BTBD10: variants seen among roughly 807,000 people sequenced by gnomAD.
BTBD10 encodes the protein BTB domain containing 10.
A neutral mutation model predicts 53.2 loss-of-function variants in BTBD10; 21 were observed. The ratio of observed to expected loss-of-function variants is 0.39; its 90% CI spans 0.28 to 0.57. The LOEUF (loss-of-function observed/expected upper bound fraction) is 0.57, where lower values mean the gene tolerates loss of function less well. Among genes scored for constraint, BTBD10 ranks in the 20% least tolerant of loss-of-function variants. The pLI, the probability that BTBD10 is intolerant of heterozygous loss-of-function variation, is 0.53. For synonymous variants in BTBD10, 149 were observed against 192.7 expected (o/e 0.77, Z 1.88); for missense variants, 360 against 594.7 (o/e 0.61, Z 4.10).
At chr11:13,461,351 G>T (rs1336650860) in intron 1 of BTBD10, among the ~76,000 whole-genome samples, 1 of 152,136 alleles carries the variant, frequency 6.6e-6, no homozygotes, top group East Asian at 1.9e-4. Flanking sequence ...TGCTGAAGAT[G>T]GGGTCCATAT....
chr11:13,413,275 T>C (rs770900542), intron 6 of BTBD10, among the ~76,000 whole-genome samples: 7 of 151,948 alleles, frequency 4.6e-5, no homozygotes, highest in Non-Finnish European at 1.0e-4. Flanking sequence ...ATAAATAATA[T>C]AGAAAACTGT....
intron 2 of BTBD10, among the ~76,000 whole-genome samples, chr11:13,426,535 G>C (rs1950342175): frequency 6.6e-6 from 1 of 151,998 alleles, no homozygotes; most frequent in Non-Finnish European, 1.5e-5. Flanking sequence ...ATAATATGGG[G>C]TTTATAACAT....
At chr11:13,456,814 T>C (rs184722412) in intron 1 of BTBD10, among the ~76,000 whole-genome samples, 1 of 152,230 alleles carries the variant, frequency 6.6e-6, no homozygotes, top group East Asian at 1.9e-4. Context: ...ATATACTCTG[T>C]TGGTGAAGCT....
intron 2 of BTBD10, among the ~76,000 whole-genome samples, chr11:13,431,964 A>T (rs1459710087): frequency 6.6e-6 from 1 of 152,068 alleles, no homozygotes; most frequent in African/African-American, 2.4e-5. Context: ...TTATAACAAA[A>T]TCCAAGCCAT....
At chr11:13,454,481 C>G (rs948666857) in intron 1 of BTBD10, among the ~76,000 whole-genome samples, 21 of 152,260 alleles carry the variant, frequency 1.4e-4, no homozygotes, top group African/African-American at 3.6e-4. Context: ...ACAGTTAAAA[C>G]AAGACAAGCT....
At position 13,393,418 on chromosome 11, in the gene BTBD10, C is replaced by A. The variant is rs115989962; in HGVS notation, c.1118-4277G>T. On this transcript the variant is annotated intron_variant, in intron 8 of 8. Transcript: ENST00000278174. Reference sequence around the variant, plus strand: ...TTTAAGGGACTTGGGATTGGTATGGCAGGGGCATAGAAATGGTGGGGGAGG... The same window carrying A: ...TTTAAGGGACTTGGGATTGGTATGGAAGGGGCATAGAAATGGTGGGGGAGG... Among the ~76,000 whole-genome samples, 870 of 152,200 alleles carry A rather than the reference C, an allele frequency of 5.7e-3. 7 individuals carry two copies. Among genetic ancestry groups the A allele is most frequent in the African/African-American group, 0.02 (844 of 41,538 alleles).
chr11:13,408,598 T>C (rs191051783), intron 6 of BTBD10, among the ~76,000 whole-genome samples: 1 of 152,298 alleles, frequency 6.6e-6, no homozygotes, highest in Admixed American at 6.5e-5. Context: ...CTTAACGTGT[T>C]CAAAATCAAG....
chr11:13,429,581 T>C (rs1169588485), intron 2 of BTBD10, among the ~76,000 whole-genome samples: 1 of 150,582 alleles, frequency 6.6e-6, no homozygotes, highest in Admixed American at 6.6e-5. Context: ...AACAAATGAA[T>C]ATACAATAGG....
At chr11:13,407,735 T>C (rs1052186066) in intron 6 of BTBD10, among the ~76,000 whole-genome samples, 3 of 152,114 alleles carry the variant, frequency 2.0e-5, no homozygotes, top group African/African-American at 7.2e-5. Flanking sequence ...CCCCTTTAAT[T>C]AGACTGGTAA....
At chr11:13,393,350 G>T (rs1271064617) in intron 8 of BTBD10, among the ~76,000 whole-genome samples, 1 of 151,960 alleles carries the variant, frequency 6.6e-6, no homozygotes, top group Non-Finnish European at 1.5e-5. Context: ...ACCCAATCTA[G>T]CTCCCATAAA....
intron 1 of BTBD10, among the ~76,000 whole-genome samples, chr11:13,461,996 G>T (rs1440350927): frequency 7.3e-6 from 1 of 137,294 alleles, no homozygotes; most frequent in Non-Finnish European, 1.5e-5. Context: ...ATTTTCTACT[G>T]CTTTCCGCTT....
chr11:13,421,858 A>C lies in BTBD10; in HGVS notation c.102-20T>G, dbSNP rs1023240306. 2 of 1,569,990 alleles carry C rather than the reference A, an allele frequency of 1.3e-6. No homozygotes were observed. The highest frequency in any genetic ancestry group is 8.7e-7 in the Non-Finnish European group (1 of 1,152,126). On this transcript the variant is annotated intron_variant, in intron 2 of 8. Transcript: ENST00000278174. ...GAAGTACTGATAAGTTAGAAAGGAA[A>C]ATTAACCATAAAAGCAGAACATAAG...
intron 8 of BTBD10, among the ~76,000 whole-genome samples, chr11:13,393,957 A>C (rs952627175): frequency 6.6e-6 from 1 of 152,154 alleles, no homozygotes; most frequent in Non-Finnish European, 1.5e-5. Flanking sequence ...AAATAACCTC[A>C]CTAGGTAGAG....
chr11:13,412,470 C>A (rs1158336823), intron 6 of BTBD10, among the ~76,000 whole-genome samples: 1 of 152,048 alleles, frequency 6.6e-6, no homozygotes, highest in Non-Finnish European at 1.5e-5. Context: ...ACAACAACAA[C>A]AACAACAAAA....
At chr11:13,400,449 CCTTT>C (rs1225651818) in intron 8 of BTBD10, among the ~76,000 whole-genome samples, 2 of 152,168 alleles carry the variant, frequency 1.3e-5, no homozygotes, top group African/African-American at 4.8e-5. Context: ...GTCTGTCACC[CCTTT>C]CTTTGACTAG....
rs1436192195 is a variant in BTBD10 at position 13,388,147 on chromosome 11, T to C, written c.*684A>G. The C allele has an allele frequency of 2.0e-5, 3 of 152,580 alleles. No individual in the cohort carries two copies. Among genetic ancestry groups the C allele is most frequent in the Non-Finnish European group, 4.4e-5 (3 of 68,022 alleles). The allele number at this position is 152,580 out of a possible 1,614,324, so 9.5% of individuals were successfully genotyped here. On this transcript the variant is annotated 3_prime_UTR_variant, in exon 9 of 9. Coordinates refer to ENST00000278174, the MANE Select transcript of BTBD10 (RefSeq NM_032320.7). ...AAAAAAAAGCATTAGTAAATAAATATCTGTGAACAGATTAAGGGTAAGGCA... is the reference window on the plus strand; with the variant it reads ...AAAAAAAAGCATTAGTAAATAAATACCTGTGAACAGATTAAGGGTAAGGCA...
chr11:13,411,029 T>G (rs74442079), intron 6 of BTBD10, among the ~76,000 whole-genome samples: 1 of 152,160 alleles, frequency 6.6e-6, no homozygotes, highest in African/African-American at 2.4e-5. Flanking sequence ...TTGAGTATGT[T>G]TGAGACTGAG....
intron 2 of BTBD10, 52 bp downstream of exon 2, chr11:13,444,972 C>T: frequency 7.1e-7 from 1 of 1,411,460 alleles, no homozygotes; most frequent in East Asian, 2.3e-5. Context: ...GTATTCTTTA[C>T]AATCAGTTTT....
chr11:13,428,231 CA>C (rs1250631370), intron 2 of BTBD10, among the ~76,000 whole-genome samples: 2 of 151,996 alleles, frequency 1.3e-5, no homozygotes, highest in Non-Finnish European at 2.9e-5. Context: ...TTTAAACCTA[CA>C]AAAAAGCTCA....
Sources: allele counts gnomAD v4.1 joint callset (sites outside exome capture counted in the v4.1 genomes callset), GRCh38; gene constraint gnomAD v4.1.1; transcripts MANE v1.5; gene names NCBI Gene and HGNC (gene_info 2026-07-23, HGNC 2026-07-21).